SLC43A2: variants seen among roughly 807,000 people sequenced by gnomAD.
The protein encoded by SLC43A2 is solute carrier family 43 member 2, also known as large neutral amino acids transporter small subunit 4.
A neutral mutation model predicts 63.2 loss-of-function variants in SLC43A2; 38 were observed. The ratio of observed to expected loss-of-function variants is 0.60; its 90% CI spans 0.46 to 0.79. The LOEUF (loss-of-function observed/expected upper bound fraction) is 0.79. Among genes scored for constraint, SLC43A2 ranks in the 30% least tolerant of loss-of-function variants. The pLI, the probability that SLC43A2 is intolerant of heterozygous loss-of-function variation, is 0.00. For missense variants in SLC43A2, 644 were observed against 756.2 expected (o/e 0.85, Z 1.74); for synonymous variants, 322 against 331.0 (o/e 0.97, Z 0.30).
At chr17:1,582,621 G>A (rs563896531) in intron 11 of SLC43A2, among the ~76,000 whole-genome samples, 225 of 152,260 alleles carry the variant, frequency 1.5e-3, no homozygotes, top group South Asian at 7.1e-3. Flanking sequence ...TATGCAAGAC[G>A]CCCCCAAAAC....
At chr17:1,610,744 A>C (rs1281540224) in intron 5 of SLC43A2, among the ~76,000 whole-genome samples, 6 of 151,414 alleles carry the variant, frequency 4.0e-5, no homozygotes, top group African/African-American at 1.5e-4. Context: ...TAATGAAAAA[A>C]ATTTTGTTTT....
At position 1,599,070 on chromosome 17, in the gene SLC43A2, T is replaced by C. The variant is rs536861186; in HGVS notation, c.502-5791A>G. On this transcript the variant is annotated intron_variant, in intron 5 of 13. Coordinates refer to ENST00000301335, the MANE Select transcript of SLC43A2 (RefSeq NM_152346.3). ...TTCCTTAGAACGGCAATGCCTGGGC[T>C]GGGCGCGGTGGCTCACGCCTGTAAT... 5.9e-5 allele frequency among the ~76,000 whole-genome samples: 9 copies of C among 152,278 alleles called. No individual in the cohort carries two copies. In the South Asian group the frequency reaches 1.2e-3, roughly 21 times the overall value.
In SLC43A2 at chr17:1,622,564, C is replaced by CA. The variant is rs1430269140; in HGVS notation, c.160+5150dup. ...TGGGCGACAGAGCAAGACTCTGTCTCAAAAAAAAAAAAACTATCCACACTT... is the reference window on the plus strand; with the variant it reads ...TGGGCGACAGAGCAAGACTCTGTCTCAAAAAAAAAAAAAACTATCCACACTT... On this transcript the variant is annotated intron_variant, in intron 2 of 13. Coordinates refer to ENST00000301335, the MANE Select transcript of SLC43A2 (RefSeq NM_152346.3). Among the ~76,000 whole-genome samples the CA allele has an allele frequency of 8.4e-3, 1,049 of 125,138 alleles. 12 individuals carry two copies. Among genetic ancestry groups the CA allele is most frequent in the African/African-American group, 0.021 (739 of 34,714 alleles). 82.1% of individuals were successfully genotyped at this position (125,138 alleles called of 152,430 possible). A position where few individuals can be genotyped will look rare whatever the true frequency, so the allele number is the denominator to read the frequency against.
At position 1,573,035 on chromosome 17, in the gene SLC43A2, G is replaced by A. The variant is rs989247574; in HGVS notation, c.*2569C>T. The A allele has an allele frequency of 3.9e-5, 6 of 152,094 alleles. No individual in the cohort carries two copies. The highest frequency in any genetic ancestry group is 1.2e-4 in the African/African-American group (5 of 41,398). 9.4% of individuals were successfully genotyped at this position (152,094 alleles called of 1,614,324 possible). A position where few individuals can be genotyped will look rare whatever the true frequency, so the allele number is the denominator to read the frequency against. The stretch of plus-strand genomic sequence containing the variant: ...GAAAAAGAAAAAAAAAATTAGCCAG[G>A]CATGGTGGCACACACTTATAGTCCC... On this transcript the variant is annotated 3_prime_UTR_variant, in exon 14 of 14. Transcript: ENST00000301335.
intron 13 of SLC43A2, among the ~76,000 whole-genome samples, chr17:1,576,330 C>T (rs572682735): frequency 1.3e-5 from 2 of 152,152 alleles, no homozygotes; most frequent in African/African-American, 2.4e-5. Flanking sequence ...GTGATGCTCC[C>T]GCCTCGGCCT....
intron 5 of SLC43A2, among the ~76,000 whole-genome samples, chr17:1,594,279 G>A (rs79071318): frequency 6.6e-6 from 1 of 152,172 alleles, no homozygotes; most frequent in Non-Finnish European, 1.5e-5. Flanking sequence ...CTCATTCTGG[G>A]TACAGGGCAA....
intron 5 of SLC43A2, among the ~76,000 whole-genome samples, chr17:1,610,832 T>C (rs1327047675): frequency 6.6e-6 from 1 of 151,620 alleles, no homozygotes; most frequent in Non-Finnish European, 1.5e-5. Flanking sequence ...TTTTAAAGTC[T>C]TTCTTTTTTT....
chr17:1,587,217 T>C (rs1598443975), intron 9 of SLC43A2, among the ~76,000 whole-genome samples: 1 of 152,210 alleles, frequency 6.6e-6, no homozygotes, highest in East Asian at 1.9e-4. Context: ...CATTCTCCTG[T>C]CTGCTGGTGC....
intron 5 of SLC43A2, among the ~76,000 whole-genome samples, chr17:1,596,613 T>C (rs576540660): frequency 5.9e-5 from 9 of 152,096 alleles, no homozygotes; most frequent in African/African-American, 2.2e-4. Flanking sequence ...GGAGTCTCGC[T>C]CTGTCTCCCA....
intron 5 of SLC43A2, among the ~76,000 whole-genome samples, chr17:1,594,217 G>C (rs1905073199): frequency 6.6e-6 from 1 of 152,194 alleles, no homozygotes; most frequent in South Asian, 2.1e-4. Context: ...CCAACGGGAA[G>C]CAAGGTCCGG....
intron 5 of SLC43A2, among the ~76,000 whole-genome samples, chr17:1,599,616 GC>G (rs1267910365): frequency 6.6e-6 from 1 of 151,436 alleles, no homozygotes; most frequent in Non-Finnish European, 1.5e-5. Flanking sequence ...CAGCAGAATC[GC>G]TTGAACTTGG....
At position 1,583,508 on chromosome 17, in the gene SLC43A2, C is replaced by CACTGAGAAG; in HGVS notation, c.1218-173_1218-172insCTTCTCAGT. ...CTGGACCAGCACTACGGACACTCCC[C>CACTGAGAAG]GGCCCTTCTCAGTGGCAAGCTGAGT... On this transcript the variant is annotated intron_variant, in intron 10 of 13. Transcript: ENST00000301335. The surrounding 1 kb of genome is among the most constrained non-coding windows in gnomAD (Gnocchi z 5.5). The CACTGAGAAG allele has an allele frequency of 8.6e-7, 1 of 1,158,604 alleles. No homozygotes were observed. Among genetic ancestry groups the CACTGAGAAG allele is most frequent in the Non-Finnish European group, 1.2e-6 (1 of 850,840 alleles). The allele number at this position is 1,158,604 out of a possible 1,614,324, so 71.8% of individuals were successfully genotyped here. A position where few individuals can be genotyped will look rare whatever the true frequency, so the allele number is the denominator to read the frequency against.
At chr17:1,598,880 C>T (rs1905598372) in intron 5 of SLC43A2, among the ~76,000 whole-genome samples, 1 of 152,240 alleles carries the variant, frequency 6.6e-6, no homozygotes, top group Non-Finnish European at 1.5e-5. Context: ...CTTTGATGCC[C>T]TGCCTCTTGC....
chr17:1,622,099 C>T (rs1450992986), intron 2 of SLC43A2, among the ~76,000 whole-genome samples: 2 of 152,314 alleles, frequency 1.3e-5, no homozygotes, highest in East Asian at 1.9e-4. Flanking sequence ...GAGGCTGGGG[C>T]GGTGGGAAGA....
chr17:1,578,828 T>G lies in SLC43A2; in HGVS notation c.1351-505A>C, dbSNP rs1268122899. ...CAGGCATGAGCCACTGCGCCCAGCC[T>G]AACCGAGTCATTATTAAAAATTAAA... On this transcript the variant is annotated intron_variant, in intron 11 of 13. Coordinates refer to ENST00000301335, the MANE Select transcript of SLC43A2 (RefSeq NM_152346.3). The surrounding 1 kb of genome is among the most constrained non-coding windows in gnomAD (Gnocchi z 6.5). The G allele has an allele frequency of 1.4e-5, 2 of 147,588 alleles. No individual in the cohort carries two copies. The highest frequency in any genetic ancestry group is 3.0e-5 in the Non-Finnish European group (2 of 66,862). 9.1% of individuals were successfully genotyped at this position (147,588 alleles called of 1,614,324 possible).
rs948182406 is a variant in SLC43A2 at position 1,606,604 on chromosome 17, C to G, written c.501+6591G>C. ...ACCCAGGCTCCGGGTTGGAGGGTGGCGACCCCAAGATGCGGCCTCAGCCGC... is the reference window on the plus strand; with the variant it reads ...ACCCAGGCTCCGGGTTGGAGGGTGGGGACCCCAAGATGCGGCCTCAGCCGC... On this transcript the variant is annotated intron_variant, in intron 5 of 13. Transcript: ENST00000301335. This position sits in a 1 kb window ranked among gnomAD's most constrained non-coding sequence, Gnocchi z 4.7. 6.6e-6 allele frequency among the ~76,000 whole-genome samples: 1 copy of G among 152,206 alleles called. No homozygotes were observed. Among genetic ancestry groups the G allele is most frequent in the African/African-American group, 2.4e-5 (1 of 41,448 alleles).
chr17:1,593,971 C>T lies in SLC43A2; in HGVS notation c.502-692G>A, dbSNP rs529422722. 2.4e-4 allele frequency among the ~76,000 whole-genome samples: 37 copies of T among 152,212 alleles called. No individual in the cohort carries two copies. Among genetic ancestry groups the T allele is most frequent in the Admixed American group, 6.5e-4 (10 of 15,282 alleles). ...TCTCCTGCCTCAGCCTCCCAAGTCG[C>T]GAGATTAGAGATGCCCGCCACCATG... On this transcript the variant is annotated intron_variant, in intron 5 of 13. Coordinates refer to ENST00000301335, the MANE Select transcript of SLC43A2 (RefSeq NM_152346.3). The surrounding 1 kb of genome is among the most constrained non-coding windows in gnomAD (Gnocchi z 5.3).
chr17:1,584,194 A>G (rs11871321), intron 10 of SLC43A2, among the ~76,000 whole-genome samples: 28,849 of 151,968 alleles, frequency 0.19, 2,804 homozygotes, highest in African/African-American at 0.2. Flanking sequence ...CGCCCGGCCA[A>G]GCACCCTCTG....
At position 1,575,526 on chromosome 17, in the gene SLC43A2, T is replaced by TG. The variant is rs1414386258; in HGVS notation, c.*77dup. ...AGACGGCGAAGGTCCTGGGGGTGCG[T>TG]GGGGTACTCTGGAGGGGCAGGACAG... On this transcript the variant is annotated 3_prime_UTR_variant, in exon 14 of 14. Transcript: ENST00000301335. 5.7e-6 allele frequency: 9 copies of TG among 1,576,570 alleles called. No individual in the cohort carries two copies. Among genetic ancestry groups the TG allele is most frequent in the Non-Finnish European group, 7.8e-6 (9 of 1,147,288 alleles).
Sources: allele counts gnomAD v4.1 joint callset (sites outside exome capture counted in the v4.1 genomes callset), GRCh38; gene constraint gnomAD v4.1.1; non-coding constraint Gnocchi (gnomAD v3.1); transcripts MANE v1.5; gene names NCBI Gene and HGNC (gene_info 2026-07-23, HGNC 2026-07-21).